GABRB1: variants seen among roughly 807,000 people sequenced by gnomAD.
GABRB1 encodes gamma-aminobutyric acid type A receptor subunit beta1.
A neutral mutation model predicts 51.6 loss-of-function variants in GABRB1; 17 were observed. The ratio of observed to expected loss-of-function variants is 0.33; its 90% CI spans 0.23 to 0.49. GABRB1 has a LOEUF of 0.49. GABRB1 is among the 20% of genes least tolerant of loss of function. The pLI is 0.99. For synonymous variants in GABRB1, 247 were observed against 218.9 expected (o/e 1.13, Z -1.14); for missense variants, 410 against 600.6 (o/e 0.68, Z 3.32).
At chr4:47,415,127 C>G (rs1176607063) in intron 8 of GABRB1, among the ~76,000 whole-genome samples, 1 of 152,184 alleles carries the variant, frequency 6.6e-6, no homozygotes. Context: ...GAATCTCTGT[C>G]TCTTATTTTC....
chr4:47,363,717 G>A (rs1726883637), intron 5 of GABRB1, among the ~76,000 whole-genome samples: 1 of 152,108 alleles, frequency 6.6e-6, no homozygotes, highest in Admixed American at 6.6e-5. Context: ...TTCCTCTTGG[G>A]AACAAAAGGG....
At chr4:47,413,322 TA>T (rs777816529) in intron 8 of GABRB1, among the ~76,000 whole-genome samples, 108 of 152,332 alleles carry the variant, frequency 7.1e-4, no homozygotes, top group Non-Finnish European at 1.3e-3. Flanking sequence ...TCATGCAAGT[TA>T]TAATCATCCC....
intron 4 of GABRB1, among the ~76,000 whole-genome samples, chr4:47,189,267 A>T (rs1719327975): frequency 1.3e-5 from 2 of 151,932 alleles, no homozygotes; most frequent in African/African-American, 4.8e-5. Context: ...GCATGGGTTA[A>T]GCACTGGAGT....
At chr4:47,267,054 G>C (rs188389227) in intron 4 of GABRB1, among the ~76,000 whole-genome samples, 1 of 152,040 alleles carries the variant, frequency 6.6e-6, no homozygotes, top group Non-Finnish European at 1.5e-5. Context: ...AAATATACCT[G>C]TCCTGCTTTT....
chr4:47,203,477 G>A (rs956571137), intron 4 of GABRB1, among the ~76,000 whole-genome samples: 14 of 152,120 alleles, frequency 9.2e-5, no homozygotes, highest in South Asian at 4.2e-4. Context: ...CTGAATACCC[G>A]GATATATCAT....
At chr4:47,211,409 A>C (rs1348837593) in intron 4 of GABRB1, among the ~76,000 whole-genome samples, 1 of 152,192 alleles carries the variant, frequency 6.6e-6, no homozygotes, top group Non-Finnish European at 1.5e-5. Context: ...TATTAGTTAT[A>C]ATACTCACTT....
intron 5 of GABRB1, among the ~76,000 whole-genome samples, chr4:47,373,606 G>T (rs1727283902): frequency 6.6e-6 from 1 of 152,112 alleles, no homozygotes. Flanking sequence ...CTTGATTAGG[G>T]TTCCATTTGT....
intron 5 of GABRB1, among the ~76,000 whole-genome samples, chr4:47,348,484 T>C (rs559959777): frequency 1.3e-5 from 2 of 152,180 alleles, no homozygotes; most frequent in South Asian, 4.1e-4. Flanking sequence ...CTCCAGCATG[T>C]ATGTATATGG....
intron 4 of GABRB1, among the ~76,000 whole-genome samples, chr4:47,276,208 C>T (rs114286361): frequency 0.023 from 3,434 of 152,098 alleles, 54 homozygotes; most frequent in Non-Finnish European, 0.035. Context: ...TGCTAGCTAA[C>T]GTAACCTCTG....
intron 4 of GABRB1, among the ~76,000 whole-genome samples, chr4:47,216,694 T>C (rs1042082690): frequency 2.6e-5 from 4 of 151,934 alleles, no homozygotes; most frequent in Non-Finnish European, 4.4e-5. Context: ...CTCTATTTCA[T>C]ATCCATCTGA....
intron 4 of GABRB1, among the ~76,000 whole-genome samples, chr4:47,254,029 G>A (rs772296373): frequency 2.6e-5 from 4 of 152,234 alleles, no homozygotes; most frequent in Non-Finnish European, 4.4e-5. Flanking sequence ...GACAATATGG[G>A]CATTGTACTG....
chr4:47,099,919 T>C (rs1714647350), intron 3 of GABRB1, among the ~76,000 whole-genome samples: 1 of 152,068 alleles, frequency 6.6e-6, no homozygotes, highest in Non-Finnish European at 1.5e-5. Flanking sequence ...AAGCATTTAG[T>C]TGTAATTTCG....
rs539852856 is a variant in GABRB1 at position 47,325,336 on chromosome 4, G to A, written c.544+5127G>A. ...TGTAATCCCAGCTACTTGGGAGGCTGAGGCAGGGGAATCATTTGAACTTGG... is the reference window on the plus strand; with the variant it reads ...TGTAATCCCAGCTACTTGGGAGGCTAAGGCAGGGGAATCATTTGAACTTGG... On this transcript the variant is annotated intron_variant, in intron 5 of 8. Coordinates refer to ENST00000295454, the MANE Select transcript of GABRB1 (RefSeq NM_000812.4). Among the ~76,000 whole-genome samples the A allele has an allele frequency of 7.3e-4, 111 of 151,878 alleles. 4 individuals are homozygous for A. In the South Asian group the frequency reaches 0.022, roughly 30 times the overall value.
intron 5 of GABRB1, among the ~76,000 whole-genome samples, chr4:47,356,024 G>T (rs539846164): frequency 6.6e-6 from 1 of 152,326 alleles, no homozygotes; most frequent in South Asian, 2.1e-4. Flanking sequence ...AGCATGCAAT[G>T]AATATGGCAA....
At chr4:47,085,398 G>A (rs555748078) in intron 3 of GABRB1, among the ~76,000 whole-genome samples, 1 of 152,190 alleles carries the variant, frequency 6.6e-6, no homozygotes, top group Non-Finnish European at 1.5e-5. Context: ...CAAAACAAGT[G>A]GAAACAAGAT....
chr4:47,191,838 A>G (rs1719451972), intron 4 of GABRB1, among the ~76,000 whole-genome samples: 1 of 152,108 alleles, frequency 6.6e-6, no homozygotes. Flanking sequence ...ACAGATGAAA[A>G]AAAATTAAAT....
chr4:47,212,091 C>T (rs190630310), intron 4 of GABRB1, among the ~76,000 whole-genome samples: 6 of 152,042 alleles, frequency 3.9e-5, no homozygotes, highest in African/African-American at 1.4e-4. Context: ...GGGAATGGAA[C>T]AGTTATCAGA....
intron 3 of GABRB1, among the ~76,000 whole-genome samples, chr4:47,077,872 T>A (rs1727627710): frequency 7.1e-6 from 1 of 140,264 alleles, no homozygotes; most frequent in South Asian, 2.1e-4. Context: ...TTTATATATA[T>A]TATATGTATT....
chr4:47,244,355 G>A lies in GABRB1; in HGVS notation c.462-75772G>A, dbSNP rs184489549. On this transcript the variant is annotated intron_variant, in intron 4 of 8. Coordinates refer to ENST00000295454, the MANE Select transcript of GABRB1 (RefSeq NM_000812.4). Reference sequence around the variant, plus strand: ...TGGTCTAAAATTCTCTTTTTTTGTCGTGCCTCTGCCAGGCTTTGGTATCAG... The same window carrying A: ...TGGTCTAAAATTCTCTTTTTTTGTCATGCCTCTGCCAGGCTTTGGTATCAG... 2.3e-4 allele frequency among the ~76,000 whole-genome samples: 35 copies of A among 152,060 alleles called. 1 individual carries two copies. The East Asian group carries it at 3.9e-3, about 17-fold the overall frequency.
Sources: allele counts gnomAD v4.1 joint callset (sites outside exome capture counted in the v4.1 genomes callset), GRCh38; gene constraint gnomAD v4.1.1; transcripts MANE v1.5; gene names NCBI Gene and HGNC (gene_info 2026-07-23, HGNC 2026-07-21).